The following PAFAH1B1 variants were observed in gnomAD, a reference collection of about 807,000 sequenced individuals.
PAFAH1B1 encodes platelet-activating factor acetylhydrolase IB subunit beta.
A neutral mutation model predicts 57.5 loss-of-function variants in PAFAH1B1; 2 were observed. The ratio of observed to expected loss-of-function variants is 0.03; its 90% CI spans 0.01 to 0.11. The LOEUF (loss-of-function observed/expected upper bound fraction) is 0.11, where lower values mean the gene tolerates loss of function less well. Ranked by LOEUF, PAFAH1B1 falls within the 10% of genes least tolerant of loss-of-function variation. The pLI is 1.00. For missense variants in PAFAH1B1, 257 were observed against 512.0 expected, an observed-to-expected ratio of 0.50 and a Z score of 4.81; for synonymous variants, 152 against 169.6, an observed-to-expected ratio of 0.90 and a Z score of 0.81.
intron 3 of PAFAH1B1, among the ~76,000 whole-genome samples, 184 bp from the exon 4 acceptor site, chr17:2,665,832 C>T (rs1440745494): frequency 6.6e-6 from 1 of 152,068 alleles, no homozygotes. Context: ...AAACTCCAGA[C>T]CTCAGGTGAT....
At chr17:2,678,415 A>G (rs1160503192) in intron 9 of PAFAH1B1, among the ~76,000 whole-genome samples, 2 of 146,938 alleles carry the variant, frequency 1.4e-5, no homozygotes, top group African/African-American at 4.9e-5. Flanking sequence ...AAAAAAAAAA[A>G]AAAACCCGGG....
chr17:2,664,879 T>C (rs2069083781), intron 2 of PAFAH1B1, among the ~76,000 whole-genome samples: 1 of 152,194 alleles, frequency 6.6e-6, no homozygotes, highest in Admixed American at 6.6e-5. Context: ...TTGCTTTTTT[T>C]CACCCACTCC....
At chr17:2,666,308 T>C (rs1426562873) in intron 4 of PAFAH1B1, among the ~76,000 whole-genome samples, 1 of 152,220 alleles carries the variant, frequency 6.6e-6, no homozygotes, top group African/African-American at 2.4e-5. Flanking sequence ...ATCTGCATAG[T>C]CCTGACTTTG....
At chr17:2,675,413 A>C (rs951785373) in intron 8 of PAFAH1B1, among the ~76,000 whole-genome samples, 2 of 152,128 alleles carry the variant, frequency 1.3e-5, no homozygotes, top group Non-Finnish European at 1.5e-5. Context: ...TATTTTTCTA[A>C]ATGAATCTTC....
At chr17:2,677,768 G>A (rs1453484126) in intron 9 of PAFAH1B1, among the ~76,000 whole-genome samples, 2 of 151,626 alleles carry the variant, frequency 1.3e-5, no homozygotes, top group Non-Finnish European at 1.5e-5. Context: ...GCAGGAGAAT[G>A]GCGTGAACCC....
intron 1 of PAFAH1B1, among the ~76,000 whole-genome samples, chr17:2,603,312 G>A (rs1271586810): frequency 1.3e-5 from 2 of 152,052 alleles, no homozygotes; most frequent in African/African-American, 4.8e-5. Context: ...ACCATGCCTG[G>A]GTAATTTTTG....
At chr17:2,602,531 C>T (rs1427952686) in intron 1 of PAFAH1B1, among the ~76,000 whole-genome samples, 2 of 152,090 alleles carry the variant, frequency 1.3e-5, no homozygotes, top group Non-Finnish European at 1.5e-5. Context: ...GAGTTAGTCC[C>T]CTTCTATCCA....
At chr17:2,613,775 G>T in intron 1 of PAFAH1B1, 1 of 313,998 alleles carries the variant, frequency 3.2e-6, no homozygotes. Flanking sequence ...GCTGGGCCAG[G>T]TTCTGCTTCT....
At position 2,601,274 on chromosome 17, in the gene PAFAH1B1, A is replaced by G. The variant is rs190946273; in HGVS notation, c.-191+7268A>G. On this transcript the variant is annotated intron_variant, in intron 1 of 10. Coordinates refer to ENST00000397195, the MANE Select transcript of PAFAH1B1 (RefSeq NM_000430.4). ...CTCAGCCTTCTGAATAGCTGGGATT[A>G]CAGGCATCTGTTACCCTGCCCAGTG... Among the ~76,000 whole-genome samples the G allele has an allele frequency of 1.3e-3, 199 of 151,884 alleles. 1 individual carries two copies. Among genetic ancestry groups the G allele is most frequent in the African/African-American group, 4.6e-3 (191 of 41,382 alleles).
At chr17:2,681,691 CGT>C in intron 10 of PAFAH1B1, 36 bp from the exon 11 acceptor site, 1 of 1,509,814 alleles carries the variant, frequency 6.6e-7, no homozygotes, top group African/African-American at 1.4e-5. Context: ...TCCAGGCTTA[CGT>C]GTGAGTTTTA....
intron 1 of PAFAH1B1, among the ~76,000 whole-genome samples, chr17:2,627,912 T>G (rs1472346281): frequency 6.6e-6 from 1 of 152,224 alleles, no homozygotes; most frequent in Non-Finnish European, 1.5e-5. Flanking sequence ...AGCTACTGAT[T>G]TGTGTACATT....
chr17:2,621,895 C>A (rs1223477434), intron 1 of PAFAH1B1, among the ~76,000 whole-genome samples: 1 of 152,164 alleles, frequency 6.6e-6, no homozygotes. Flanking sequence ...ATTGGACTTA[C>A]AGTTCCACAT....
chr17:2,622,964 AAGCCACAGCCTG>A (rs1224711766), intron 1 of PAFAH1B1, among the ~76,000 whole-genome samples: 2 of 152,214 alleles, frequency 1.3e-5, no homozygotes, highest in Non-Finnish European at 2.9e-5. Context: ...CCACCCTCTG[AAGCCACAGCCTG>A]AGCTGTACGT....
At chr17:2,673,257 C>T (rs1168160612) in intron 7 of PAFAH1B1, among the ~76,000 whole-genome samples, 1 of 152,172 alleles carries the variant, frequency 6.6e-6, no homozygotes, top group African/African-American at 2.4e-5. Flanking sequence ...AGGAGAGACT[C>T]TATGTCCTTG....
At chr17:2,639,486 A>G (rs2068668957) in intron 2 of PAFAH1B1, 1 of 152,172 alleles carries the variant, frequency 6.6e-6, no homozygotes, top group Non-Finnish European at 1.5e-5. Flanking sequence ...AGAGTATTTT[A>G]TAGCATTCCA....
At chr17:2,676,360 A>G in intron 8 of PAFAH1B1, 145 bp from the exon 9 acceptor site, 1 of 635,500 alleles carries the variant, frequency 1.6e-6, no homozygotes, top group Non-Finnish European at 2.8e-6. Context: ...CCTGGGTGAC[A>G]GAGCCAGACT....
chr17:2,647,884 G>A (rs1567545060), intron 2 of PAFAH1B1, among the ~76,000 whole-genome samples: 2 of 151,762 alleles, frequency 1.3e-5, no homozygotes, highest in South Asian at 2.1e-4. Flanking sequence ...GGCGCCTTTA[G>A]TTCCAGCTAC....
chr17:2,606,475 G>A (rs2068205301), intron 1 of PAFAH1B1, among the ~76,000 whole-genome samples: 1 of 151,606 alleles, frequency 6.6e-6, no homozygotes, highest in Non-Finnish European at 1.5e-5. Flanking sequence ...AAGCAGTTCT[G>A]CCTCAGCATC....
intron 2 of PAFAH1B1, among the ~76,000 whole-genome samples, chr17:2,643,277 C>T (rs1456817364): frequency 2.0e-5 from 3 of 151,916 alleles, no homozygotes; most frequent in African/African-American, 7.3e-5. Context: ...TTTTCCTTTG[C>T]CTTTTTTGTT....
Sources: gnomAD v4.1 joint callset for allele counts (sites outside exome capture counted in the v4.1 genomes callset) on GRCh38, gnomAD v4.1.1 for gene constraint, MANE v1.5 for transcripts, NCBI Gene and HGNC (gene_info 2026-07-23, HGNC 2026-07-21) for gene names.